The following ZNF341 variants were observed in gnomAD, a reference collection of about 807,000 sequenced individuals.
ZNF341 encodes the protein zinc finger protein 341.
Under a neutral mutation model 87.7 loss-of-function variants are expected in ZNF341, and 52 were observed. The observed-to-expected ratio is 0.59, with a 90% CI of 0.47 to 0.75. The LOEUF (loss-of-function observed/expected upper bound fraction) is 0.75. ZNF341 is among the 30% of genes least tolerant of loss of function. The probability of loss-of-function intolerance (pLI) is 0.00; values close to 1 mark genes in which losing one functional copy is unlikely to be tolerated. For missense variants in ZNF341, 977 were observed against 1,145.9 expected (o/e 0.85, Z 2.13); for synonymous variants, 459 against 472.7 (o/e 0.97, Z 0.38).
At chr20:33,742,397 A>T in intron 2 of ZNF341, among the ~76,000 whole-genome samples, 1 of 152,048 alleles carries the variant, frequency 6.6e-6, no homozygotes, top group Non-Finnish European at 1.5e-5. Flanking sequence ...GGGTTTCACC[A>T]CGTTGGTCAG....
intron 3 of ZNF341, among the ~76,000 whole-genome samples, chr20:33,746,434 A>G (rs1168377822): frequency 2.0e-5 from 3 of 151,208 alleles, no homozygotes; most frequent in Non-Finnish European, 4.4e-5. Flanking sequence ...GGGTTTCACC[A>G]TGTTGGCCAA....
chr20:33,768,172 G>T (rs1174708067), intron 9 of ZNF341, among the ~76,000 whole-genome samples: 1 of 151,874 alleles, frequency 6.6e-6, no homozygotes, highest in Non-Finnish European at 1.5e-5. Flanking sequence ...GCCCAGGCTG[G>T]AGTGCAATGG....
intron 9 of ZNF341, among the ~76,000 whole-genome samples, 174 bp downstream of exon 9, chr20:33,767,215 T>G (rs1030525386): frequency 6.6e-6 from 1 of 152,114 alleles, no homozygotes; most frequent in Non-Finnish European, 1.5e-5. Flanking sequence ...AGGTTACCCT[T>G]GGGGCAAATC....
intron 4 of ZNF341, chr20:33,752,225 G>A (rs2019074492): frequency 1.7e-6 from 1 of 571,732 alleles, no homozygotes; most frequent in Non-Finnish European, 3.4e-6. Context: ...AGGTACATAG[G>A]TAACCAAAGT....
intron 12 of ZNF341, 192 bp from the exon 13 acceptor site, chr20:33,788,671 C>T (rs2019925809): frequency 3.1e-6 from 2 of 642,268 alleles, no homozygotes; most frequent in African/African-American, 1.8e-5. Flanking sequence ...AGAGGCCTCT[C>T]CTGACCATCC....
Position 33,757,303 on chromosome 20 carries a change from G to A in ZNF341, c.897G>A (p.Leu299=), listed in dbSNP as rs1177374520. ...CCACCTTTGACTCTCCAGCAACGCT[G>A]AAGACCCGACGAGCTAAAGGTGCCA... ...TVATFDSPAT[L]KTRRAKGARG... Residue 299 remains leucine (L), a synonymous_variant, in exon 6 of 15, where the codon CTG becomes CTA. Coordinates refer to ENST00000375200, the MANE Select transcript of ZNF341 (RefSeq NM_001282933.2). 6.3e-7 allele frequency: 1 copy of A among 1,594,594 alleles called. No individual in the cohort carries two copies. Among genetic ancestry groups the A allele is most frequent in the South Asian group, 1.1e-5 (1 of 88,526 alleles).
intron 4 of ZNF341, among the ~76,000 whole-genome samples, chr20:33,752,005 A>G (rs1258491455): frequency 6.6e-6 from 1 of 152,194 alleles, no homozygotes; most frequent in Non-Finnish European, 1.5e-5. Context: ...AATCTGGTAC[A>G]ATAGAACAGT....
chr20:33,779,217 A>G (rs2019689496), intron 10 of ZNF341, among the ~76,000 whole-genome samples: 2 of 152,034 alleles, frequency 1.3e-5, no homozygotes, highest in Admixed American at 1.3e-4. Flanking sequence ...GGAGCCAGAT[A>G]GAGAGAGAGG....
In ZNF341 at chr20:33,745,093, A is replaced by G. The variant is rs6142012; in HGVS notation, c.143-10A>G. 6.2e-7 allele frequency: 1 copy of G among 1,605,638 alleles called. No individual in the cohort carries two copies. The highest frequency in any genetic ancestry group is 8.5e-7 in the Non-Finnish European group (1 of 1,172,880). ...GGCCTCTTCCCACTACTCTGCGGGT[A>G]TGACCCCAGATGACGAGGATGTATT... is the stretch of plus-strand genomic sequence containing the variant. On this transcript the variant is annotated splice_polypyrimidine_tract_variant and intron_variant, in intron 2 of 14. Transcript: ENST00000375200.
chr20:33,787,435 A>G (rs368742811), intron 12 of ZNF341: 8 of 152,172 alleles, frequency 5.3e-5, no homozygotes, highest in African/African-American at 1.7e-4. Flanking sequence ...GCATTTCCGT[A>G]TCGACTGGGT....
intron 10 of ZNF341, among the ~76,000 whole-genome samples, chr20:33,779,753 G>A (rs1023967283): frequency 6.6e-6 from 1 of 152,146 alleles, no homozygotes; most frequent in Admixed American, 6.6e-5. Context: ...ATCCAGCCAT[G>A]TGACAATTGT....
intron 11 of ZNF341, 51 bp downstream of exon 11, chr20:33,781,438 G>A: frequency 6.5e-7 from 1 of 1,550,134 alleles, no homozygotes; most frequent in East Asian, 2.2e-5. Context: ...TAAGGGCAAG[G>A]AGGTGGGGTG....
In ZNF341 at chr20:33,732,179, G is replaced by C; in HGVS notation, c.31+127G>C. 1.4e-6 allele frequency: 1 copy of C among 724,472 alleles called. No individual in the cohort carries two copies. The highest frequency in any genetic ancestry group is 1.7e-6 in the Non-Finnish European group (1 of 592,668). The allele number at this position is 724,472 out of a possible 1,614,324, so 44.9% of individuals were successfully genotyped here. A position where few individuals can be genotyped will look rare whatever the true frequency, so the allele number is the denominator to read the frequency against. ...GGAGGGCGCCGGGGCTGGAACAGCC[G>C]CGGGGCGGGAGGGGCGCGGGCGGGA... On this transcript the variant is annotated intron_variant, in intron 1 of 14. Coordinates refer to ENST00000375200, the MANE Select transcript of ZNF341 (RefSeq NM_001282933.2). The surrounding 1 kb of genome is among the most constrained non-coding windows in gnomAD (Gnocchi z 4.5).
At chr20:33,759,559 C>T (rs1214455576) in intron 7 of ZNF341, among the ~76,000 whole-genome samples, 5 of 152,168 alleles carry the variant, frequency 3.3e-5, no homozygotes, top group South Asian at 2.1e-4. Context: ...ACTGGAATTA[C>T]AGGTGTGAGC....
chr20:33,761,922 T>C lies in ZNF341; in HGVS notation c.1089T>C (p.Ser363=). Residue 363 remains serine, a synonymous_variant, in exon 8 of 15, where the codon TCT becomes TCC. Coordinates refer to ENST00000375200, the MANE Select transcript of ZNF341 (RefSeq NM_001282933.2). ...IACGRAFAQK[S]NVKKHMQTHK... ...GTGGCCGTGCCTTTGCCCAGAAGTC[T>C]AATGTTAAGAAACACATGCAGACCC... 6.2e-7 allele frequency: 1 copy of C among 1,604,808 alleles called. No individual in the cohort carries two copies. Among genetic ancestry groups the C allele is most frequent in the East Asian group, 2.2e-5 (1 of 44,610 alleles).
chr20:33,741,258 T>C (rs1437540177), intron 2 of ZNF341, among the ~76,000 whole-genome samples: 1 of 152,180 alleles, frequency 6.6e-6, no homozygotes, highest in East Asian at 1.9e-4. Flanking sequence ...ATGCAGGGAA[T>C]GGCTAAGGGC....
chr20:33,748,333 G>A (rs1162903518), intron 3 of ZNF341, among the ~76,000 whole-genome samples: 2 of 152,094 alleles, frequency 1.3e-5, no homozygotes, highest in Non-Finnish European at 2.9e-5. Flanking sequence ...GCCTCCCAAA[G>A]TGCTGGGATT....
At chr20:33,783,700 A>C in intron 11 of ZNF341, 32 bp from the exon 12 acceptor site, 2 of 1,613,384 alleles carry the variant, frequency 1.2e-6, no homozygotes, top group Non-Finnish European at 1.7e-6. Flanking sequence ...GGGCCCGGTG[A>C]GTCAGACCTG....
chr20:33,788,693 C>A, intron 12 of ZNF341, 170 bp from the exon 13 acceptor site: 1 of 682,456 alleles, frequency 1.5e-6, no homozygotes, highest in Admixed American at 2.1e-5. Flanking sequence ...GTCAAAATAG[C>A]CCTGTCTTGT....
Sources: allele counts gnomAD v4.1 joint callset (sites outside exome capture counted in the v4.1 genomes callset), GRCh38; gene constraint gnomAD v4.1.1; non-coding constraint Gnocchi (gnomAD v3.1); transcripts MANE v1.5; gene names NCBI Gene and HGNC (gene_info 2026-07-23, HGNC 2026-07-21).